Variants in BBS9 observed in about 807,000 individuals in gnomAD.
BBS9 encodes protein PTHB1.
A neutral mutation model predicts 117.7 loss-of-function variants in BBS9; 89 were observed. The observed-to-expected ratio is 0.76, with a 90% confidence interval of 0.64 to 0.90. BBS9 has a LOEUF of 0.90. BBS9 is among the 40% of genes least tolerant of loss of function. The pLI is 0.00. For missense variants in BBS9, 982 were observed against 1,042.2 expected, an observed-to-expected ratio of 0.94 and a Z score of 0.80; for synonymous variants, 379 against 370.9, an observed-to-expected ratio of 1.02 and a Z score of -0.25.
rs74640209 is a variant in BBS9, at chr7:33,134,786, C to T, written c.-12+4745C>T. On this transcript the variant is annotated intron_variant, in intron 1 of 22. Coordinates refer to ENST00000242067, the MANE Select transcript of BBS9 (RefSeq NM_198428.3). ...TTATTTTTTCTTTTTTGTATAGATG[C>T]GGTCTCGCTTTGTTGCCCAGGCTCT... Among the ~76,000 whole-genome samples the T allele has an allele frequency of 3.2e-4, 49 of 152,070 alleles. 1 individual carries two copies. In the East Asian group the frequency reaches 8.9e-3, roughly 28 times the overall value.
intron 7 of BBS9, among the ~76,000 whole-genome samples, chr7:33,270,133 G>A (rs1030676887): frequency 1.3e-5 from 2 of 151,842 alleles, no homozygotes; most frequent in Admixed American, 6.6e-5. Context: ...GAAACCAAAG[G>A]CAAGAATTTA....
intron 21 of BBS9, among the ~76,000 whole-genome samples, chr7:33,540,892 A>G (rs1852185429): frequency 2.0e-5 from 3 of 152,188 alleles, no homozygotes; most frequent in South Asian, 4.1e-4. Flanking sequence ...TCTCTGACTA[A>G]TGTTTCACCT....
chr7:33,586,313 G>A (rs1307881097), intron 21 of BBS9, among the ~76,000 whole-genome samples: 1 of 151,876 alleles, frequency 6.6e-6, no homozygotes, highest in Non-Finnish European at 1.5e-5. Context: ...AATCACCAGA[G>A]AAATGCCACC....
intron 17 of BBS9, among the ~76,000 whole-genome samples, chr7:33,381,124 T>C (rs1824940098): frequency 6.6e-6 from 1 of 152,244 alleles, no homozygotes; most frequent in Admixed American, 6.5e-5. Flanking sequence ...CTATCATTGT[T>C]AATATAGTTC....
intron 21 of BBS9, among the ~76,000 whole-genome samples, chr7:33,554,939 G>C (rs1855054711): frequency 6.6e-6 from 1 of 152,154 alleles, no homozygotes; most frequent in African/African-American, 2.4e-5. Flanking sequence ...CAGCCACACA[G>C]AAGCCAAGCG....
At chr7:33,520,490 G>C (rs2129040837) in intron 20 of BBS9, among the ~76,000 whole-genome samples, 1 of 152,232 alleles carries the variant, frequency 6.6e-6, no homozygotes, top group South Asian at 2.1e-4. Flanking sequence ...ATCTGGCAAG[G>C]AAAATATTGT....
At chr7:33,577,403 C>T (rs561841795) in intron 21 of BBS9, among the ~76,000 whole-genome samples, 6 of 152,186 alleles carry the variant, frequency 3.9e-5, no homozygotes, top group Admixed American at 2.0e-4. Flanking sequence ...CAGGAAACAA[C>T]AGATGCTGGA....
rs139984473 is a variant in BBS9 at position 33,558,827 on chromosome 7, A to T, written c.2521+24651A>T. Among the ~76,000 whole-genome samples, 3 of 152,366 alleles carry T rather than the reference A, an allele frequency of 2.0e-5. No homozygotes were observed. In the East Asian group the frequency reaches 5.8e-4, roughly 29 times the overall value. ...AGAGAGTAGAAAAGTTTAAAAGGCT[A>T]CAGCAATAACATTTGAGAAAATGAA... On this transcript the variant is annotated intron_variant, in intron 21 of 22. Transcript: ENST00000242067.
At chr7:33,515,363 G>A (rs1049742499) in intron 20 of BBS9, among the ~76,000 whole-genome samples, 1 of 147,130 alleles carries the variant, frequency 6.8e-6, no homozygotes, top group Non-Finnish European at 1.5e-5. Context: ...ACAGCTCATC[G>A]CTGTGTTTTT....
chr7:33,238,599 T>G (rs1411316080), intron 5 of BBS9, among the ~76,000 whole-genome samples: 2 of 152,098 alleles, frequency 1.3e-5, no homozygotes, highest in Non-Finnish European at 2.9e-5. Context: ...CGACCCTTGT[T>G]TTTATTTTAA....
chr7:33,531,184 G>A (rs767426843), intron 20 of BBS9, among the ~76,000 whole-genome samples: 30 of 152,206 alleles, frequency 2.0e-4, no homozygotes, highest in Non-Finnish European at 4.0e-4. Flanking sequence ...GGAGGAAGTT[G>A]CAGTGAGCTG....
At chr7:33,547,209 C>A (rs1853541179) in intron 21 of BBS9, among the ~76,000 whole-genome samples, 1 of 152,084 alleles carries the variant, frequency 6.6e-6, no homozygotes, top group South Asian at 2.1e-4. Context: ...GGTATCACTA[C>A]TATCAAAGAT....
At chr7:33,413,023 C>A (rs1343150524) in intron 19 of BBS9, among the ~76,000 whole-genome samples, 1 of 152,156 alleles carries the variant, frequency 6.6e-6, no homozygotes. Context: ...TGGATACTCA[C>A]GACCTAGAAA....
At chr7:33,249,495 G>C (rs1469055419) in intron 5 of BBS9, among the ~76,000 whole-genome samples, 1 of 148,952 alleles carries the variant, frequency 6.7e-6, no homozygotes, top group African/African-American at 2.4e-5. Flanking sequence ...CATCCCCACA[G>C]GCATGAATTT....
At chr7:33,245,360 G>A (rs1340639066) in intron 5 of BBS9, among the ~76,000 whole-genome samples, 1 of 151,794 alleles carries the variant, frequency 6.6e-6, no homozygotes, top group Admixed American at 6.6e-5. Flanking sequence ...CTAGTGTTAG[G>A]CATACAATGA....
chr7:33,340,037 A>T (rs1269650584), intron 10 of BBS9, among the ~76,000 whole-genome samples: 1 of 151,720 alleles, frequency 6.6e-6, no homozygotes, highest in Non-Finnish European at 1.5e-5. Context: ...CTTTGTTGAT[A>T]CTATGAATAA....
At chr7:33,564,646 A>G (rs1042356434) in intron 21 of BBS9, among the ~76,000 whole-genome samples, 2 of 152,222 alleles carry the variant, frequency 1.3e-5, no homozygotes, top group Non-Finnish European at 2.9e-5. Context: ...GCGATAGAAG[A>G]TTACATAAAT....
At chr7:33,306,442 A>G (rs929943965) in intron 9 of BBS9, among the ~76,000 whole-genome samples, 12 of 152,124 alleles carry the variant, frequency 7.9e-5, no homozygotes, top group Non-Finnish European at 1.5e-4. Context: ...AAGAACATGT[A>G]GAAAACGGAA....
At chr7:33,182,138 T>G (rs912986535) in intron 5 of BBS9, among the ~76,000 whole-genome samples, 1 of 152,080 alleles carries the variant, frequency 6.6e-6, no homozygotes. Flanking sequence ...CCCTCTAAAC[T>G]AGGCAAAAAG....
Sources: gnomAD v4.1 joint callset for allele counts (sites outside exome capture counted in the v4.1 genomes callset) on GRCh38, gnomAD v4.1.1 for gene constraint, MANE v1.5 for transcripts, NCBI Gene and HGNC (gene_info 2026-07-23, HGNC 2026-07-21) for gene names.